Variants in IGF1R observed in about 807,000 individuals in gnomAD.
IGF1R encodes the protein insulin like growth factor 1 receptor.
Under a neutral mutation model 144.6 loss-of-function variants are expected in IGF1R, and 44 were observed. That is an observed-to-expected ratio of 0.30 (90% confidence interval 0.24 to 0.39). The LOEUF (loss-of-function observed/expected upper bound fraction) is 0.39. IGF1R is among the 10% of genes least tolerant of loss of function. The pLI is 1.00. For synonymous variants in IGF1R, 795 were observed against 722.8 expected, an observed-to-expected ratio of 1.10 and a Z score of -1.60; for missense variants, 1,355 against 1,833.7, an observed-to-expected ratio of 0.74 and a Z score of 4.77.
chr15:98,795,980 C>T (rs6598553), intron 2 of IGF1R, among the ~76,000 whole-genome samples: 139,993 of 152,298 alleles, frequency 0.92, 64,750 homozygotes, highest in Non-Finnish European at 0.98. Context: ...ATCAACAATA[C>T]AGCCATCCAT....
chr15:98,802,207 C>G (rs986643443), intron 2 of IGF1R, among the ~76,000 whole-genome samples: 1 of 152,176 alleles, frequency 6.6e-6, no homozygotes, highest in Non-Finnish European at 1.5e-5. Context: ...AGGATTCGAT[C>G]ACTGTTTATA....
At chr15:98,908,963 A>C (rs962970346) in intron 6 of IGF1R, 64 bp downstream of exon 6, 1 of 1,434,938 alleles carries the variant, frequency 7.0e-7, no homozygotes, top group Non-Finnish European at 9.7e-7. Flanking sequence ...CCCTCCTCCC[A>C]TGTGTGATGG....
chr15:98,840,870 G>T (rs1195460998), intron 2 of IGF1R, among the ~76,000 whole-genome samples: 1 of 151,956 alleles, frequency 6.6e-6, no homozygotes, highest in Admixed American at 6.6e-5. Flanking sequence ...TAGTAGAGAC[G>T]GGGTTTCACC....
At chr15:98,873,005 G>T (rs947511946) in intron 2 of IGF1R, among the ~76,000 whole-genome samples, 2 of 152,068 alleles carry the variant, frequency 1.3e-5, no homozygotes, top group African/African-American at 4.8e-5. Context: ...ATATATTTTT[G>T]ACACTGTGTA....
intron 2 of IGF1R, among the ~76,000 whole-genome samples, chr15:98,840,246 C>G (rs1455949867): frequency 6.6e-6 from 1 of 152,124 alleles, no homozygotes; most frequent in Non-Finnish European, 1.5e-5. Context: ...GATGTGAGAG[C>G]CTCGTGATGA....
intron 1 of IGF1R, among the ~76,000 whole-genome samples, chr15:98,688,243 G>A (rs1368547263): frequency 1.3e-5 from 2 of 151,932 alleles, no homozygotes; most frequent in Admixed American, 6.6e-5. Context: ...CAGTAGTATA[G>A]TTCTCCCACC....
At position 98,885,816 on chromosome 15, in the gene IGF1R, A is replaced by ATTT. The variant is rs3073979; in HGVS notation, c.641-5495_641-5493dup. Among the ~76,000 whole-genome samples the ATTT allele has an allele frequency of 3.8e-3, 525 of 137,708 alleles. 3 individuals are homozygous for ATTT. The highest frequency in any genetic ancestry group is 6.4e-3 in the Admixed American group (89 of 13,830). 90.3% of individuals were successfully genotyped at this position (137,708 alleles called of 152,430 possible). On this transcript the variant is annotated intron_variant, in intron 2 of 20. Coordinates refer to ENST00000650285, the MANE Select transcript of IGF1R (RefSeq NM_000875.5). ...TCCTTGTGAAGAGGTTGAGTCTCCTATTTTTTTTTTTTTTTTGGAGATAGA... is the reference window on the plus strand; with the variant it reads ...TCCTTGTGAAGAGGTTGAGTCTCCTATTTTTTTTTTTTTTTTTTTGGAGATAGA...
At chr15:98,790,050 A>T (rs2056093201) in intron 2 of IGF1R, among the ~76,000 whole-genome samples, 1 of 152,194 alleles carries the variant, frequency 6.6e-6, no homozygotes, top group African/African-American at 2.4e-5. Flanking sequence ...ATTTCTGTGA[A>T]GGAAGCTCTG....
rs1056617821 is a variant in IGF1R, at chr15:98,959,138, C to T, written c.*1696C>T. The stretch of plus-strand genomic sequence containing the variant: ...GTCTTTGTTCAGTGTTTCCACTCAC[C>T]GTGGTTGAGAAGCCTCACCCTCTCT... On this transcript the variant is annotated 3_prime_UTR_variant, in exon 21 of 21. Coordinates refer to ENST00000650285, the MANE Select transcript of IGF1R (RefSeq NM_000875.5). 3.9e-5 allele frequency: 9 copies of T among 233,356 alleles called. No homozygotes were observed. The highest frequency in any genetic ancestry group is 5.6e-5 in the Admixed American group (1 of 17,788). The allele number at this position is 233,356 out of a possible 1,614,324, so 14.5% of individuals were successfully genotyped here. A position where few individuals can be genotyped will look rare whatever the true frequency, so the allele number is the denominator to read the frequency against.
intron 2 of IGF1R, among the ~76,000 whole-genome samples, chr15:98,821,316 A>G (rs2056798399): frequency 6.7e-6 from 1 of 149,338 alleles, no homozygotes; most frequent in Non-Finnish European, 1.5e-5. Flanking sequence ...TTTTACCATC[A>G]CTCTCTCTAG....
intron 3 of IGF1R, among the ~76,000 whole-genome samples, chr15:98,892,365 A>G (rs946770129): frequency 6.6e-6 from 1 of 152,008 alleles, no homozygotes; most frequent in Admixed American, 6.5e-5. Flanking sequence ...AGCCTGGCCA[A>G]CGTGATGAAA....
chr15:98,699,267 T>C (rs1037075971), intron 1 of IGF1R, among the ~76,000 whole-genome samples: 3 of 152,116 alleles, frequency 2.0e-5, no homozygotes, highest in Non-Finnish European at 4.4e-5. Flanking sequence ...GAGGACAGGG[T>C]GTGGGACTAG....
Position 98,934,818 on chromosome 15 carries a change from C to T in IGF1R, c.2957-6C>T, listed in dbSNP as rs764521313. 7 of 1,612,760 alleles carry T rather than the reference C, an allele frequency of 4.3e-6. No homozygotes were observed. Among genetic ancestry groups the T allele is most frequent in the African/African-American group, 1.3e-5 (1 of 74,986 alleles). On this transcript the variant is annotated splice_region_variant and splice_polypyrimidine_tract_variant and intron_variant, in intron 15 of 20. Coordinates refer to ENST00000650285, the MANE Select transcript of IGF1R (RefSeq NM_000875.5). Reference sequence around the variant, plus strand: ...GTACCTGCTTTAATTACGGTTTCTTCTCCAGTGTACGTTCCTGATGAGTGG... The same window carrying T: ...GTACCTGCTTTAATTACGGTTTCTTTTCCAGTGTACGTTCCTGATGAGTGG...
chr15:98,896,835 T>G lies in IGF1R; in HGVS notation c.1032T>G (p.Val344=). 1.2e-6 allele frequency: 2 copies of G among 1,614,156 alleles called. No homozygotes were observed. Among genetic ancestry groups the G allele is most frequent in the Non-Finnish European group, 1.7e-6 (2 of 1,179,992 alleles). The part of the protein sequence containing the change: ...EEKKTKTIDS[V]TSAQMLQGCT... The stretch of plus-strand genomic sequence containing the variant: ...AGAAAACAAAGACCATTGATTCTGT[T>G]ACTTCTGCTCAGATGCTCCAAGGAT... Residue 344 remains valine, a synonymous_variant, in exon 4 of 21, where the codon GTT becomes GTG. Transcript: ENST00000650285.
intron 2 of IGF1R, among the ~76,000 whole-genome samples, chr15:98,765,062 A>C (rs757928246): frequency 2.0e-5 from 3 of 152,180 alleles, no homozygotes; most frequent in Non-Finnish European, 1.5e-5. Context: ...GCAGTTATAT[A>C]ATATGTGACC....
At chr15:98,901,391 G>A (rs138176084) in intron 5 of IGF1R, among the ~76,000 whole-genome samples, 66 of 152,292 alleles carry the variant, frequency 4.3e-4, no homozygotes, top group Middle Eastern at 3.4e-3. Context: ...TTTACCTCCC[G>A]ATGGGAAGTT....
In IGF1R at chr15:98,962,194, G is replaced by A; in HGVS notation, c.*4752G>A. On this transcript the variant is annotated 3_prime_UTR_variant, in exon 21 of 21. Transcript: ENST00000650285. ...AGCTGTCACGTTGGCTCCTTCCAGG[G>A]TGGCCAGACGGTGTTGGCCACTCCC... 4.3e-6 allele frequency: 1 copy of A among 233,104 alleles called. No individual in the cohort carries two copies. Among genetic ancestry groups the A allele is most frequent in the East Asian group, 6.0e-5 (1 of 16,562 alleles). 14.4% of individuals were successfully genotyped at this position (233,104 alleles called of 1,614,324 possible).
At chr15:98,692,102 G>T (rs12903262) in intron 1 of IGF1R, among the ~76,000 whole-genome samples, 3 of 152,110 alleles carry the variant, frequency 2.0e-5, no homozygotes, top group Non-Finnish European at 4.4e-5. Context: ...TTGGGAGTCC[G>T]AGGCGGGCAG....
At chr15:98,700,027 C>G (rs1442966799) in intron 1 of IGF1R, among the ~76,000 whole-genome samples, 1 of 152,210 alleles carries the variant, frequency 6.6e-6, no homozygotes, top group Non-Finnish European at 1.5e-5. Context: ...AAGGGCTTAA[C>G]ATGAATTGTG....
Sources: gnomAD v4.1 joint callset for allele counts (sites outside exome capture counted in the v4.1 genomes callset) on GRCh38, gnomAD v4.1.1 for gene constraint, MANE v1.5 for transcripts, NCBI Gene and HGNC (gene_info 2026-07-23, HGNC 2026-07-21) for gene names.